SPATA16: variants seen among roughly 807,000 people sequenced by gnomAD.
SPATA16 encodes spermatogenesis-associated protein 16.
A neutral mutation model predicts 63.3 loss-of-function variants in SPATA16; 36 were observed. The observed-to-expected ratio is 0.57, with a 90% CI of 0.44 to 0.75. SPATA16 has a LOEUF of 0.75. SPATA16 is among the 30% of genes least tolerant of loss of function. The pLI, the probability that SPATA16 is intolerant of heterozygous loss-of-function variation, is 0.00. For missense variants in SPATA16, 646 were observed against 679.3 expected (o/e 0.95, Z 0.54); for synonymous variants, 203 against 216.7 (o/e 0.94, Z 0.56).
chr3:173,000,421 TGAG>T (rs778036343), intron 4 of SPATA16, among the ~76,000 whole-genome samples: 1 of 152,246 alleles, frequency 6.6e-6, no homozygotes, highest in Non-Finnish European at 1.5e-5. Flanking sequence ...GCATGGTTTC[TGAG>T]GAGAAGTTGA....
chr3:172,889,861 A>G (rs1731858505), intron 10 of SPATA16, among the ~76,000 whole-genome samples, 169 bp from the exon 11 acceptor site: 1 of 152,178 alleles, frequency 6.6e-6, no homozygotes, highest in Non-Finnish European at 1.5e-5. Context: ...TGTTTCCATT[A>G]CAGGTCTCCC....
In SPATA16 at chr3:173,112,012, T is replaced by C. The variant is rs74587987; in HGVS notation, c.612+5108A>G. Among the ~76,000 whole-genome samples, 191 of 152,322 alleles carry C rather than the reference T, an allele frequency of 1.3e-3. 4 individuals are homozygous for C. In the East Asian group the frequency reaches 0.033, roughly 26 times the overall value. ...TGACCTCTCTGTTTCTTTTTATCTT[T>C]CCTTCTAACTTTTATGGGTAAAACT... On this transcript the variant is annotated intron_variant, in intron 2 of 10. Transcript: ENST00000351008.
intron 4 of SPATA16, among the ~76,000 whole-genome samples, chr3:173,000,186 G>C (rs900836491): frequency 6.6e-6 from 1 of 152,304 alleles, no homozygotes; most frequent in African/African-American, 2.4e-5. Flanking sequence ...TCCAGCATGT[G>C]AGGACATAGA....
intron 2 of SPATA16, among the ~76,000 whole-genome samples, chr3:173,050,529 T>C (rs1341882140): frequency 6.6e-6 from 1 of 152,116 alleles, no homozygotes; most frequent in Non-Finnish European, 1.5e-5. Context: ...TGTCTATTTT[T>C]AGCTCTATAT....
At chr3:173,031,967 CT>C (rs1056838326) in intron 3 of SPATA16, among the ~76,000 whole-genome samples, 1 of 152,042 alleles carries the variant, frequency 6.6e-6, no homozygotes, top group Non-Finnish European at 1.5e-5. Context: ...AAGAAAATTA[CT>C]GTAGATTATT....
chr3:173,117,246 A>C lies in SPATA16; in HGVS notation c.486T>G (p.Ser162Arg), dbSNP rs1462443846. The change falls in exon 2 of 11, where the codon AGT becomes AGG. Residue 162 changes from serine (S) to arginine (R), a missense_variant. Coordinates refer to ENST00000351008, the MANE Select transcript of SPATA16 (RefSeq NM_031955.6). ...CQAAEIVDPL[S>R]VHNFSFLPQI... ...GAGGCAGAAAGCTGAAATTATGTAC[A>C]CTCAAAGGGTCTACTATTTCAGCAG... is the stretch of plus-strand genomic sequence containing the variant. 3 of 1,613,976 alleles carry C rather than the reference A, an allele frequency of 1.9e-6. No homozygotes were observed. The highest frequency in any genetic ancestry group is 3.3e-5 in the Admixed American group (2 of 59,992).
rs562087360 is a variant in SPATA16 at position 172,907,367 on chromosome 3, T to C, written c.1587+6294A>G. On this transcript the variant is annotated intron_variant, in intron 10 of 10. Coordinates refer to ENST00000351008, the MANE Select transcript of SPATA16 (RefSeq NM_031955.6). Reference sequence around the variant, plus strand: ...AAGGGTTAAGCCACCATTATTGCTCTCACTGCAATAACCGACTAACTCATT... The same window carrying C: ...AAGGGTTAAGCCACCATTATTGCTCCCACTGCAATAACCGACTAACTCATT... Among the ~76,000 whole-genome samples the C allele has an allele frequency of 3.3e-5, 5 of 152,354 alleles. No individual in the cohort carries two copies. In the East Asian group the frequency reaches 9.6e-4, roughly 29 times the overall value.
chr3:173,128,643 C>T (rs1454432067), intron 1 of SPATA16, among the ~76,000 whole-genome samples: 1 of 152,150 alleles, frequency 6.6e-6, no homozygotes, highest in Non-Finnish European at 1.5e-5. Flanking sequence ...TACTCCAACT[C>T]CCACCGCTTG....
intron 4 of SPATA16, among the ~76,000 whole-genome samples, chr3:172,987,804 C>T (rs1301084244): frequency 6.6e-6 from 1 of 152,156 alleles, no homozygotes; most frequent in Non-Finnish European, 1.5e-5. Context: ...AGAGAAACAG[C>T]TTACAGAGAA....
At chr3:172,902,026 G>T (rs1368748857) in intron 10 of SPATA16, among the ~76,000 whole-genome samples, 1 of 152,078 alleles carries the variant, frequency 6.6e-6, no homozygotes. Context: ...AGGGTAGGAA[G>T]ATTGGGATAC....
At chr3:173,075,475 C>T (rs551414363) in intron 2 of SPATA16, among the ~76,000 whole-genome samples, 7 of 152,230 alleles carry the variant, frequency 4.6e-5, no homozygotes, top group Non-Finnish European at 8.8e-5. Flanking sequence ...AGATATACTT[C>T]CATGTTTATT....
chr3:173,010,278 A>G (rs530644262), intron 4 of SPATA16, among the ~76,000 whole-genome samples: 3 of 152,296 alleles, frequency 2.0e-5, no homozygotes, highest in African/African-American at 7.2e-5. Flanking sequence ...TTGGGAGGGA[A>G]CAAAGAGCCT....
chr3:173,124,244 CT>C (rs1300752074), intron 1 of SPATA16, among the ~76,000 whole-genome samples: 1 of 152,208 alleles, frequency 6.6e-6, no homozygotes, highest in Non-Finnish European at 1.5e-5. Context: ...TTTGAATTCT[CT>C]TTTATTATTT....
At chr3:172,891,353 T>C (rs1440769175) in intron 10 of SPATA16, among the ~76,000 whole-genome samples, 1 of 152,198 alleles carries the variant, frequency 6.6e-6, no homozygotes, top group African/African-American at 2.4e-5. Context: ...GGGGTTGCAT[T>C]TTATTTTAAA....
At chr3:172,993,590 T>C (rs1247017159) in intron 4 of SPATA16, among the ~76,000 whole-genome samples, 4 of 152,160 alleles carry the variant, frequency 2.6e-5, no homozygotes, top group Non-Finnish European at 5.9e-5. Context: ...GAGAAATCCT[T>C]GAGTGACAGC....
chr3:172,992,072 G>A (rs1734590834), intron 4 of SPATA16, among the ~76,000 whole-genome samples: 2 of 152,000 alleles, frequency 1.3e-5, no homozygotes, highest in Admixed American at 1.3e-4. Context: ...AATGGTATGG[G>A]CGTTAGGAAA....
intron 9 of SPATA16, 73 bp from the exon 10 acceptor site, chr3:172,913,817 A>T: frequency 7.6e-7 from 1 of 1,321,032 alleles, no homozygotes; most frequent in Non-Finnish European, 1.1e-6. Context: ...ACAGATTAAA[A>T]CCTAATTAAA....
intron 3 of SPATA16, among the ~76,000 whole-genome samples, chr3:173,036,342 C>A (rs1032072662): frequency 2.6e-4 from 39 of 151,948 alleles, no homozygotes; most frequent in African/African-American, 8.7e-4. Context: ...TCTGTCACTG[C>A]GAGCTTGACA....
intron 4 of SPATA16, among the ~76,000 whole-genome samples, chr3:173,015,048 C>CT (rs1735149811): frequency 6.8e-6 from 1 of 146,424 alleles, no homozygotes; most frequent in Non-Finnish European, 1.5e-5. Context: ...ACAGAAAATT[C>CT]TTTTTTCTTT....
Sources: allele counts gnomAD v4.1 joint callset (sites outside exome capture counted in the v4.1 genomes callset), GRCh38; gene constraint gnomAD v4.1.1; transcripts MANE v1.5; gene names NCBI Gene and HGNC (gene_info 2026-07-23, HGNC 2026-07-21).